KLHL6: variants seen among roughly 807,000 people sequenced by gnomAD.
KLHL6 encodes the protein kelch like family member 6.
In KLHL6, 41 loss-of-function variants were observed where a neutral mutation model predicts 58.6. The ratio of observed to expected loss-of-function variants is 0.70; its 90% CI spans 0.55 to 0.91. KLHL6 has a LOEUF of 0.91. Ranked by LOEUF, KLHL6 falls within the 40% of genes least tolerant of loss-of-function variation. KLHL6 has a pLI of 0.00. For missense variants in KLHL6, 714 were observed against 805.6 expected, an observed-to-expected ratio of 0.89 and a Z score of 1.38; for synonymous variants, 338 against 322.7, an observed-to-expected ratio of 1.05 and a Z score of -0.51.
intron 1 of KLHL6, chr3:183,544,610 T>A (rs1262833084): frequency 6.6e-6 from 1 of 152,142 alleles, no homozygotes; most frequent in African/African-American, 2.4e-5. Flanking sequence ...ATTTTTCCTT[T>A]TGTCCAGCAT....
intron 2 of KLHL6, among the ~76,000 whole-genome samples, chr3:183,519,508 G>T (rs1333509754): frequency 6.6e-6 from 1 of 152,136 alleles, no homozygotes; most frequent in Non-Finnish European, 1.5e-5. Flanking sequence ...ATCCTGAATT[G>T]ATTAAACTTT....
At chr3:183,527,140 G>A (rs1477736191) in intron 2 of KLHL6, among the ~76,000 whole-genome samples, 1 of 150,956 alleles carries the variant, frequency 6.6e-6, no homozygotes, top group African/African-American at 2.4e-5. Flanking sequence ...CAAAAAAAAG[G>A]ATATTAAAGT....
Position 183,555,597 on chromosome 3 carries a change from A to G in KLHL6, c.57T>C (p.Ser19=), listed in dbSNP as rs1477471488. ...TAGAAGGTGCCAGGGGCCCTTCCAA[A>G]CTCTTCTCGACCACATCACCCATGG... ...AWTMGDVVEK[S]LEGPLAPSTD... The change falls in exon 1 of 7, where the codon AGT becomes AGC. Residue 19 remains serine, a synonymous_variant. Transcript: ENST00000341319. The G allele has an allele frequency of 6.2e-7, 1 of 1,613,426 alleles. No individual in the cohort carries two copies.
At chr3:183,520,743 C>T (rs1167150176) in intron 2 of KLHL6, 1 of 152,182 alleles carries the variant, frequency 6.6e-6, no homozygotes, top group Admixed American at 6.5e-5. Flanking sequence ...TTGCCACCAG[C>T]ATGTCTCACC....
At chr3:183,530,830 A>ATTTT (rs35902105) in intron 1 of KLHL6, among the ~76,000 whole-genome samples, 2 of 123,974 alleles carry the variant, frequency 1.6e-5, no homozygotes, top group Non-Finnish European at 1.7e-5. Flanking sequence ...GTGAACATGC[A>ATTTT]TTTTTTTTTT....
intron 2 of KLHL6, chr3:183,521,075 T>G (rs1711741770): frequency 6.6e-6 from 1 of 152,270 alleles, no homozygotes; most frequent in Non-Finnish European, 1.5e-5. Flanking sequence ...TGTCCCTGGG[T>G]ACTCTCGAGA....
rs55871319 is a variant in KLHL6 at position 183,525,269 on chromosome 3, A to AAAAAACACACACACAC, written c.459+2575_459+2576insGTGTGTGTGTGTTTTT. The stretch of plus-strand genomic sequence containing the variant: ...ACAGAGTGAGACTCTCTAAAAAAAA[A>AAAAAACACACACACAC]ACACACACACACACACACACACACA... On this transcript the variant is annotated intron_variant, in intron 2 of 6. Coordinates refer to ENST00000341319, the MANE Select transcript of KLHL6 (RefSeq NM_130446.4). 6.1e-4 allele frequency among the ~76,000 whole-genome samples: 82 copies of AAAAAACACACACACAC among 133,862 alleles called. 1 individual carries two copies. The highest frequency in any genetic ancestry group is 2.2e-3 in the African/African-American group (80 of 36,350). The allele number at this position is 133,862 out of a possible 152,430, so 87.8% of individuals were successfully genotyped here.
In KLHL6 at chr3:183,543,186, C is replaced by T. The variant is rs531884136; in HGVS notation, c.293+12175G>A. 5.3e-5 allele frequency among the ~76,000 whole-genome samples: 8 copies of T among 151,998 alleles called. No individual in the cohort carries two copies. The South Asian group carries it at 1.7e-3, about 32-fold the overall frequency. On this transcript the variant is annotated intron_variant, in intron 1 of 6. Transcript: ENST00000341319. ...CCTGTAATCCCAGCTACTCTGGAGG[C>T]TGAGGCAGGAGAATAGCTTGAACCT...
chr3:183,529,191 A>G (rs1003922706), intron 1 of KLHL6, among the ~76,000 whole-genome samples: 1 of 152,226 alleles, frequency 6.6e-6, no homozygotes, highest in African/African-American at 2.4e-5. Flanking sequence ...AAAAATAACT[A>G]ATGAGTACTA....
At chr3:183,535,016 C>T (rs1712317954) in intron 1 of KLHL6, among the ~76,000 whole-genome samples, 1 of 150,724 alleles carries the variant, frequency 6.6e-6, no homozygotes, top group Non-Finnish European at 1.5e-5. Context: ...ACAATATCGG[C>T]TCACTGCAGC....
At chr3:183,552,833 G>A (rs1712980372) in intron 1 of KLHL6, among the ~76,000 whole-genome samples, 1 of 152,002 alleles carries the variant, frequency 6.6e-6, no homozygotes, top group Admixed American at 6.6e-5. Flanking sequence ...AAGCGAGAGA[G>A]TGTGTCAGAT....
At chr3:183,525,296 T>A (rs1351183089) in intron 2 of KLHL6, among the ~76,000 whole-genome samples, 2 of 60,892 alleles carry the variant, frequency 3.3e-5, no homozygotes, top group Non-Finnish European at 4.4e-5. Flanking sequence ...ACACACACAC[T>A]TTTAAACATG....
chr3:183,517,133 C>T (rs1403513177), intron 2 of KLHL6, among the ~76,000 whole-genome samples: 6 of 152,122 alleles, frequency 3.9e-5, no homozygotes, highest in Admixed American at 6.5e-5. Context: ...AGGCTGGTCT[C>T]GAACTCCTGG....
intron 2 of KLHL6, among the ~76,000 whole-genome samples, chr3:183,512,699 C>A (rs143001236): frequency 5.9e-5 from 9 of 152,130 alleles, no homozygotes; most frequent in African/African-American, 2.2e-4. Context: ...CTATGTTGAT[C>A]AGGCTGGTCT....
rs1167930332 is a variant in KLHL6, at chr3:183,488,885, C to T, written c.*3042G>A. The T allele has an allele frequency of 1.3e-5, 2 of 152,146 alleles. No individual in the cohort carries two copies. The highest frequency in any genetic ancestry group is 6.5e-5 in the Admixed American group (1 of 15,272). 9.4% of individuals were successfully genotyped at this position (152,146 alleles called of 1,614,324 possible). On this transcript the variant is annotated 3_prime_UTR_variant, in exon 7 of 7. Transcript: ENST00000341319. ...TCTAACCAGGTGTATCTGTTCCCTA[C>T]CCATGCCATTATTAGGAATCCCTAT...
At chr3:183,540,198 G>C (rs1489744459) in intron 1 of KLHL6, among the ~76,000 whole-genome samples, 1 of 152,194 alleles carries the variant, frequency 6.6e-6, no homozygotes, top group Admixed American at 6.5e-5. Context: ...TACTGAGAAA[G>C]AGAAGCTGTC....
chr3:183,501,519 G>A (rs111824357), intron 3 of KLHL6, among the ~76,000 whole-genome samples: 9 of 152,220 alleles, frequency 5.9e-5, no homozygotes, highest in African/African-American at 1.2e-4. Context: ...AGCTCCCCTC[G>A]TCTTATCTGC....
intron 1 of KLHL6, among the ~76,000 whole-genome samples, chr3:183,533,597 C>T (rs532178693): frequency 1.3e-5 from 2 of 152,126 alleles, no homozygotes; most frequent in African/African-American, 4.8e-5. Flanking sequence ...ACCCCTTTTC[C>T]TAATCTGCAA....
chr3:183,494,466 G>A (rs974091366), intron 4 of KLHL6, among the ~76,000 whole-genome samples, 185 bp from the exon 5 acceptor site: 4 of 152,338 alleles, frequency 2.6e-5, no homozygotes, highest in Admixed American at 2.6e-4. Context: ...GGGGAACAGG[G>A]AGAGACAGAA....
Sources: gnomAD v4.1 joint callset for allele counts (sites outside exome capture counted in the v4.1 genomes callset) on GRCh38, gnomAD v4.1.1 for gene constraint, MANE v1.5 for transcripts, NCBI Gene and HGNC (gene_info 2026-07-23, HGNC 2026-07-21) for gene names.